ZNF254: variants seen among roughly 807,000 people sequenced by gnomAD.
ZNF254 encodes zinc finger protein 254.
In ZNF254, 10 loss-of-function variants were observed where a neutral mutation model predicts 12.4. That is an observed-to-expected ratio of 0.80 (90% CI 0.50 to 1.36). ZNF254 has a LOEUF of 1.36. ZNF254 is among the 40% of genes most tolerant of loss of function. The pLI is 0.00. For missense variants in ZNF254, 996 were observed against 763.9 expected (o/e 1.30, Z -3.58); for synonymous variants, 305 against 253.4 (o/e 1.20, Z -1.93).
At chr19:24,045,153 A>G (rs1279874972) in intron 1 of ZNF254, among the ~76,000 whole-genome samples, 2 of 152,116 alleles carry the variant, frequency 1.3e-5, no homozygotes, top group African/African-American at 4.8e-5. Flanking sequence ...CCAGGAATAC[A>G]CTTACTGATA....
chr19:24,092,252 C>T (rs773493516), intron 1 of ZNF254, among the ~76,000 whole-genome samples: 5 of 151,296 alleles, frequency 3.3e-5, no homozygotes, highest in African/African-American at 1.2e-4. Flanking sequence ...CCTCAACCTA[C>T]ACCTCCTGGG....
At chr19:24,106,316 A>G in intron 2 of ZNF254, 1 of 549,836 alleles carries the variant, frequency 1.8e-6, no homozygotes, top group South Asian at 2.5e-5. Flanking sequence ...ATATTGTTAC[A>G]TCTTAAAATC....
chr19:24,084,932 CTTTTTTTT>C (rs150066308), upstream of ZNF254, among the ~76,000 whole-genome samples: 21 of 119,674 alleles, frequency 1.8e-4, no homozygotes, highest in Non-Finnish European at 2.9e-4. Flanking sequence ...TGACCACAAT[CTTTTTTTT>C]TTTTTTTTTT....
At chr19:24,047,991 T>A (rs1009477869) in intron 2 of ZNF254, among the ~76,000 whole-genome samples, 12 of 145,126 alleles carry the variant, frequency 8.3e-5, no homozygotes, top group Non-Finnish European at 1.6e-4. Context: ...CCGGCTCTTT[T>A]TTTCTTTTCT....
At chr19:24,101,940 C>T (rs1973053577) in intron 1 of ZNF254, among the ~76,000 whole-genome samples, 1 of 152,208 alleles carries the variant, frequency 6.6e-6, no homozygotes, top group Admixed American at 6.5e-5. Context: ...AGAGTTTCTC[C>T]AGTTCCCTGG....
Position 24,055,232 on chromosome 19 carries a change from A to AAAAAAAAAAAAAAAAAAAAAG in ZNF254, c.-94+8953_-94+8954insAAAAAAAAAAAAAAAAAAAAG, listed in dbSNP as rs1555753129. ...AAAAAAAAAAAAAAAAAAAAAAAAA[A>AAAAAAAAAAAAAAAAAAAAAG]GAGTGTACTAACAAGACCCAGCACA... On this transcript the variant is annotated intron_variant, in intron 2 of 4. Coordinates refer to the ZNF254 transcript ENST00000613065. Among the ~76,000 whole-genome samples, 66 of 122,628 alleles carry AAAAAAAAAAAAAAAAAAAAAG rather than the reference A, an allele frequency of 5.4e-4. 11 individuals are homozygous for AAAAAAAAAAAAAAAAAAAAAG. The highest frequency in any genetic ancestry group is 8.7e-4 in the Non-Finnish European group (48 of 55,426). The allele number at this position is 122,628 out of a possible 152,430, so 80.4% of individuals were successfully genotyped here.
chr19:24,045,955 T>G (rs1298142688), intron 1 of ZNF254, among the ~76,000 whole-genome samples: 1 of 152,134 alleles, frequency 6.6e-6, no homozygotes, highest in Admixed American at 6.5e-5. Context: ...TCCTAGTGTT[T>G]CCAGCCCTCC....
chr19:24,093,447 A>G (rs1315678814), intron 1 of ZNF254, among the ~76,000 whole-genome samples: 1 of 152,064 alleles, frequency 6.6e-6, no homozygotes, highest in Non-Finnish European at 1.5e-5. Context: ...TCAGTCTTTA[A>G]TCTTGAGTTG....
intron 2 of ZNF254, among the ~76,000 whole-genome samples, chr19:24,051,398 G>A (rs1970641442): frequency 6.6e-6 from 1 of 152,082 alleles, no homozygotes; most frequent in African/African-American, 2.4e-5. Flanking sequence ...GACCTCAAGT[G>A]AGCCACCTGC....
At position 24,127,743 on chromosome 19, in the gene ZNF254, A is replaced by G. The variant is rs1974995440; in HGVS notation, c.1743A>G (p.Lys581=). The change falls in exon 4 of 4, where the codon AAA becomes AAG. Residue 581 remains lysine (K), a synonymous_variant. Coordinates refer to ENST00000357002, the MANE Select transcript of ZNF254 (RefSeq NM_203282.4). ...CCTATAAATGTGAAGAATGTGGCAA[A>G]TCTTTTAACCGGTCTTCAACTTTTA... The part of the protein sequence containing the change: ...EKPYKCEECG[K]SFNRSSTFTK... 1.9e-6 allele frequency: 3 copies of G among 1,612,776 alleles called. No homozygotes were observed. Among genetic ancestry groups the G allele is most frequent in the African/African-American group, 2.7e-5 (2 of 74,854 alleles).
intron 3 of ZNF254, among the ~76,000 whole-genome samples, chr19:24,124,636 A>G (rs2145992911): frequency 6.6e-6 from 1 of 152,180 alleles, no homozygotes; most frequent in Non-Finnish European, 1.5e-5. Flanking sequence ...TCAATTAATT[A>G]AACCTTTTTT....
At chr19:24,083,719 G>A (rs577786860), upstream of ZNF254, among the ~76,000 whole-genome samples, 151 of 152,166 alleles carry the variant, frequency 9.9e-4, 1 homozygote, top group African/African-American at 3.4e-3. Context: ...GCCAACTAAC[G>A]TAGATAAAAA....
chr19:24,072,118 A>G (rs1402610608), intron 2 of ZNF254, among the ~76,000 whole-genome samples: 3 of 151,502 alleles, frequency 2.0e-5, no homozygotes, highest in African/African-American at 7.3e-5. Context: ...GGATTGTGAC[A>G]TATCACTGGA....
intron 2 of ZNF254, among the ~76,000 whole-genome samples, chr19:24,055,038 TA>T (rs1373955457): frequency 6.6e-6 from 1 of 150,934 alleles, no homozygotes; most frequent in Non-Finnish European, 1.5e-5. Flanking sequence ...CCATCTCTAC[TA>T]AAAAATACAA....
intron 3 of ZNF254, among the ~76,000 whole-genome samples, chr19:24,109,334 ACAGT>A (rs921623691): frequency 2.0e-4 from 31 of 152,346 alleles, no homozygotes; most frequent in African/African-American, 3.1e-4. Flanking sequence ...ATGCACAGTT[ACAGT>A]CAAACATTGC....
At chr19:24,098,894 T>C (rs376898302) in intron 1 of ZNF254, 9 of 151,898 alleles carry the variant, frequency 5.9e-5, no homozygotes, top group Admixed American at 2.6e-4. Flanking sequence ...AAATAGAAAC[T>C]GTGGCTTAAA....
Position 24,128,941 on chromosome 19 carries a change from T to C in ZNF254, c.*961T>C, listed in dbSNP as rs1975071581. 2.0e-5 allele frequency: 3 copies of C among 151,972 alleles called. No homozygotes were observed. The South Asian group carries it at 6.2e-4, about 32-fold the overall frequency. The allele number at this position is 151,972 out of a possible 1,614,324, so 9.4% of individuals were successfully genotyped here. ...AAAAGTGAATAATGTGTTCAACTCT[T>C]AAATTCATGCTGTTTCATCATTGCT... On this transcript the variant is annotated 3_prime_UTR_variant, in exon 4 of 4. Transcript: ENST00000357002.
At chr19:24,034,485 TG>T (rs1161617948) in intron 1 of ZNF254, among the ~76,000 whole-genome samples, 26 of 124,184 alleles carry the variant, frequency 2.1e-4, no homozygotes, top group African/African-American at 7.5e-4. Context: ...TTTAGGTAAG[TG>T]GGTTTTTTTT....
chr19:24,095,313 A>G (rs1324799301), intron 1 of ZNF254, among the ~76,000 whole-genome samples: 1 of 152,144 alleles, frequency 6.6e-6, no homozygotes, highest in Non-Finnish European at 1.5e-5. Context: ...AGATTTTTGC[A>G]TCAATGTTCA....
Sources: gnomAD v4.1 joint callset for allele counts (sites outside exome capture counted in the v4.1 genomes callset) on GRCh38, gnomAD v4.1.1 for gene constraint, MANE v1.5 for transcripts, NCBI Gene and HGNC (gene_info 2026-07-23, HGNC 2026-07-21) for gene names.